FSTL4: variants seen among roughly 807,000 people sequenced by gnomAD.
FSTL4 encodes follistatin like 4.
FSTL4 carries 28 observed loss-of-function variants against 78.2 expected under a neutral mutation model. That is an observed-to-expected ratio of 0.36 (90% confidence interval 0.27 to 0.49). The LOEUF is 0.49. Among genes scored for constraint, FSTL4 ranks in the 20% least tolerant of loss-of-function variants. The pLI is 0.98. For synonymous variants in FSTL4, 422 were observed against 440.5 expected (o/e 0.96, Z 0.53); for missense variants, 922 against 1,084.9 (o/e 0.85, Z 2.11).
chr5:133,395,569 C>G (rs996533223), intron 4 of FSTL4, among the ~76,000 whole-genome samples: 1 of 152,218 alleles, frequency 6.6e-6, no homozygotes, highest in African/African-American at 2.4e-5. Context: ...CACTGGTCAG[C>G]TTGAGTTCAG....
At chr5:133,320,323 C>T (rs577430206) in intron 4 of FSTL4, among the ~76,000 whole-genome samples, 1 of 152,138 alleles carries the variant, frequency 6.6e-6, no homozygotes, top group South Asian at 2.1e-4. Flanking sequence ...TACATTCCTG[C>T]CCCCTGCTGG....
chr5:133,603,498 C>T (rs443629), intron 2 of FSTL4, among the ~76,000 whole-genome samples: 8,197 of 152,240 alleles, frequency 0.054, 287 homozygotes, highest in Non-Finnish European at 0.073. Context: ...AATTAAAATA[C>T]TTCACTAATT....
chr5:133,509,734 G>A (rs559058322), intron 3 of FSTL4, among the ~76,000 whole-genome samples: 2 of 152,324 alleles, frequency 1.3e-5, no homozygotes, highest in South Asian at 2.1e-4. Flanking sequence ...TATGGATAAT[G>A]GGCCTAACAC....
the FSTL4 span, among the ~76,000 whole-genome samples, chr5:133,783,108 A>C: frequency 6.6e-6 from 1 of 152,200 alleles, no homozygotes; most frequent in East Asian, 1.9e-4. Context: ...AACCCCCTTG[A>C]GGTGACAGAA....
intron 6 of FSTL4, among the ~76,000 whole-genome samples, chr5:133,303,687 C>T (rs931776226): frequency 6.6e-6 from 1 of 152,248 alleles, no homozygotes; most frequent in Admixed American, 6.5e-5. Flanking sequence ...CTGCAGGGCA[C>T]TGTCATGGAG....
intron 3 of FSTL4, among the ~76,000 whole-genome samples, chr5:133,538,693 T>A (rs1759404988): frequency 6.6e-6 from 1 of 152,198 alleles, no homozygotes; most frequent in Non-Finnish European, 1.5e-5. Flanking sequence ...TTATTCAGTG[T>A]GTTATAATTA....
At chr5:133,488,144 T>C (rs955588722) in intron 3 of FSTL4, among the ~76,000 whole-genome samples, 9 of 152,230 alleles carry the variant, frequency 5.9e-5, no homozygotes, top group Non-Finnish European at 1.3e-4. Context: ...CATATACACA[T>C]ATGGTTTTTA....
At position 133,404,155 on chromosome 5, in the gene FSTL4, T is replaced by C. The variant is rs187903618; in HGVS notation, c.161-3169A>G. ...AAGGCCCTGCATATGCCCTTCACAA[T>C]GGCCCCACAGAGGGCTGAGGATACC... On this transcript the variant is annotated intron_variant, in intron 3 of 15. Coordinates refer to ENST00000265342, the MANE Select transcript of FSTL4 (RefSeq NM_015082.2). Among the ~76,000 whole-genome samples, 634 of 152,318 alleles carry C rather than the reference T, an allele frequency of 4.2e-3. 7 individuals carry two copies. Among genetic ancestry groups the C allele is most frequent in the African/African-American group, 0.014 (582 of 41,572 alleles).
intron 3 of FSTL4, among the ~76,000 whole-genome samples, chr5:133,412,451 T>C (rs1250776840): frequency 6.6e-6 from 1 of 152,200 alleles, no homozygotes; most frequent in Non-Finnish European, 1.5e-5. Context: ...GGCAACCTGC[T>C]ATCCACCTAG....
At chr5:133,524,677 C>A (rs149801606) in intron 3 of FSTL4, among the ~76,000 whole-genome samples, 1 of 152,190 alleles carries the variant, frequency 6.6e-6, no homozygotes, top group African/African-American at 2.4e-5. Context: ...ATGCACCCCC[C>A]ACCCCGCCCC....
intron 4 of FSTL4, among the ~76,000 whole-genome samples, chr5:133,331,174 G>T (rs1385274631): frequency 1.3e-5 from 2 of 152,156 alleles, no homozygotes; most frequent in African/African-American, 4.8e-5. Flanking sequence ...TCCAGAACTG[G>T]GCTCTCTCCT....
chr5:133,478,445 C>T (rs981333082), intron 3 of FSTL4, among the ~76,000 whole-genome samples: 1 of 149,210 alleles, frequency 6.7e-6, no homozygotes, highest in African/African-American at 2.4e-5. Context: ...TGGTAACAGG[C>T]GGGGATAAAT....
At chr5:133,318,801 C>T (rs1160454939) in intron 4 of FSTL4, among the ~76,000 whole-genome samples, 1 of 152,242 alleles carries the variant, frequency 6.6e-6, no homozygotes, top group Non-Finnish European at 1.5e-5. Flanking sequence ...TCCCCCCAAC[C>T]TTCCTCCTGG....
At chr5:133,434,806 A>G (rs1424884169) in intron 3 of FSTL4, among the ~76,000 whole-genome samples, 2 of 145,170 alleles carry the variant, frequency 1.4e-5, no homozygotes, top group Non-Finnish European at 3.1e-5. Flanking sequence ...TGCTGATTTC[A>G]TGGCCAAAAA....
the FSTL4 span, among the ~76,000 whole-genome samples, chr5:133,714,409 C>A: frequency 6.6e-6 from 1 of 152,180 alleles, no homozygotes; most frequent in Non-Finnish European, 1.5e-5. Flanking sequence ...CAGATTCTAA[C>A]TCATGCCAAG....
intron 3 of FSTL4, chr5:133,427,501 G>A (rs1179183006): frequency 2.3e-6 from 1 of 427,018 alleles, no homozygotes; most frequent in Admixed American, 2.0e-5. Flanking sequence ...GTGAGTGTGT[G>A]TTGCGGGGGT....
chr5:133,493,994 A>G (rs953946691), intron 3 of FSTL4, among the ~76,000 whole-genome samples: 4 of 152,212 alleles, frequency 2.6e-5, no homozygotes, highest in African/African-American at 9.6e-5. Context: ...AGAAATCCCA[A>G]TAGTGAATTA....
At chr5:133,234,481 T>C (rs1222579295) in intron 7 of FSTL4, among the ~76,000 whole-genome samples, 1 of 152,194 alleles carries the variant, frequency 6.6e-6, no homozygotes, top group East Asian at 1.9e-4. Context: ...CTGCATTCCC[T>C]TTTGCAGACC....
Position 133,204,744 on chromosome 5 carries a change from A to ATTGT in FSTL4, c.1717-2706_1717-2703dup, listed in dbSNP as rs67266593. Among the ~76,000 whole-genome samples the ATTGT allele has an allele frequency of 2.4e-4, 36 of 150,564 alleles. No homozygotes were observed. In the East Asian group the frequency reaches 6.9e-3, roughly 29 times the overall value. ...CTACTCAGGAGACTGAGGCACGAGA[A>ATTGT]TTGTTTGTTTGAACCCGGGAAGAGG... On this transcript the variant is annotated intron_variant, in intron 14 of 15. Transcript: ENST00000265342.
Sources: allele counts gnomAD v4.1 joint callset (sites outside exome capture counted in the v4.1 genomes callset), GRCh38; gene constraint gnomAD v4.1.1; transcripts MANE v1.5; gene names NCBI Gene and HGNC (gene_info 2026-07-23, HGNC 2026-07-21).